CNTLN: variants seen among roughly 807,000 people sequenced by gnomAD.
The protein encoded by CNTLN is centlein, centrosomal protein.
Under a neutral mutation model 180.0 loss-of-function variants are expected in CNTLN, and 212 were observed. The observed-to-expected ratio is 1.18, with a 90% confidence interval of 1.05 to 1.32. The LOEUF (loss-of-function observed/expected upper bound fraction) is 1.32. CNTLN is among the 40% of genes most tolerant of loss of function. CNTLN has a pLI of 0.00. For missense variants in CNTLN, 2,095 were observed against 1,610.9 expected (o/e 1.30, Z -5.14); for synonymous variants, 722 against 563.1 (o/e 1.28, Z -3.99).
intron 5 of CNTLN, among the ~76,000 whole-genome samples, chr9:17,254,538 C>T (rs1259178352): frequency 6.6e-6 from 1 of 150,686 alleles, no homozygotes; most frequent in Non-Finnish European, 1.5e-5. Flanking sequence ...GTTTTTCTGG[C>T]AACATTTGTT....
intron 2 of CNTLN, among the ~76,000 whole-genome samples, chr9:17,177,283 C>T (rs1373383347): frequency 1.3e-5 from 2 of 152,076 alleles, no homozygotes; most frequent in African/African-American, 2.4e-5. Context: ...GTGGCAGGCA[C>T]CTGTAGTCCC....
chr9:17,477,612 G>A (rs778409178), intron 23 of CNTLN, among the ~76,000 whole-genome samples: 104 of 152,318 alleles, frequency 6.8e-4, no homozygotes, highest in Non-Finnish European at 1.1e-3. Flanking sequence ...AGAAACTGCA[G>A]ATGTGGTAGA....
chr9:17,249,412 A>C (rs997711785), intron 5 of CNTLN, among the ~76,000 whole-genome samples: 4 of 140,000 alleles, frequency 2.9e-5, no homozygotes, highest in Admixed American at 7.7e-5. Flanking sequence ...GCAGTGGTGC[A>C]ATCTTGGCTC....
At chr9:17,466,319 T>G (rs983821928) in intron 22 of CNTLN, among the ~76,000 whole-genome samples, 1 of 151,454 alleles carries the variant, frequency 6.6e-6, no homozygotes, top group Non-Finnish European at 1.5e-5. Flanking sequence ...AGAAAACAGG[T>G]TGTGTTTGTC....
intron 5 of CNTLN, among the ~76,000 whole-genome samples, chr9:17,260,518 T>G (rs1330432724): frequency 6.6e-6 from 1 of 151,312 alleles, no homozygotes; most frequent in African/African-American, 2.5e-5. Flanking sequence ...TCATTTGTTT[T>G]TTTGCTTGTT....
intron 7 of CNTLN, among the ~76,000 whole-genome samples, chr9:17,307,263 C>T (rs753087295): frequency 4.1e-5 from 6 of 146,972 alleles, no homozygotes; most frequent in African/African-American, 1.1e-4. Flanking sequence ...ACAATAATAT[C>T]GATAGATAAT....
At chr9:17,330,934 ATGTACCGAAC>A in intron 9 of CNTLN, 126 bp downstream of exon 9, 1 of 813,356 alleles carries the variant, frequency 1.2e-6, no homozygotes, top group South Asian at 1.8e-5. Context: ...GAAAAATATT[ATGTACCGAAC>A]TCTTGTTAAA....
intron 18 of CNTLN, among the ~76,000 whole-genome samples, chr9:17,427,787 C>G (rs780308893): frequency 8.5e-5 from 13 of 152,140 alleles, no homozygotes; most frequent in Non-Finnish European, 1.6e-4. Flanking sequence ...ATTATCACAT[C>G]TGTACCATAG....
chr9:17,413,139 G>GATT (rs71492918), intron 16 of CNTLN, among the ~76,000 whole-genome samples: 64,739 of 151,732 alleles, frequency 0.43, 16,120 homozygotes, highest in Non-Finnish European at 0.56. Flanking sequence ...ATGAACAACT[G>GATT]ATTTTTGACC....
intron 2 of CNTLN, among the ~76,000 whole-genome samples, chr9:17,218,860 G>T (rs898982535): frequency 1.1e-4 from 16 of 152,030 alleles, no homozygotes; most frequent in African/African-American, 3.9e-4. Flanking sequence ...TTAAAAGTGG[G>T]CTCAAACCCA....
intron 5 of CNTLN, among the ~76,000 whole-genome samples, chr9:17,253,949 CTTT>C (rs1311711595): frequency 3.3e-5 from 5 of 151,158 alleles, no homozygotes; most frequent in Non-Finnish European, 5.9e-5. Context: ...GAGGCATGTT[CTTT>C]GTTTGCCTAG....
chr9:17,473,141 A>G (rs2134247442), intron 23 of CNTLN, among the ~76,000 whole-genome samples: 1 of 152,274 alleles, frequency 6.6e-6, no homozygotes, highest in East Asian at 1.9e-4. Context: ...ATGCTGATTC[A>G]TCTTTATTTA....
intron 14 of CNTLN, 77 bp downstream of exon 14, chr9:17,388,330 G>A (rs920382117): frequency 1.0e-6 from 1 of 972,990 alleles, no homozygotes; most frequent in Admixed American, 2.1e-5. Flanking sequence ...TTTAAAACGA[G>A]GGCTTGTAAA....
chr9:17,193,726 C>A (rs934334851), intron 2 of CNTLN, among the ~76,000 whole-genome samples: 2 of 152,250 alleles, frequency 1.3e-5, no homozygotes, highest in South Asian at 4.1e-4. Flanking sequence ...ATGATAGTGC[C>A]CCTCTTCTCA....
At position 17,366,324 on chromosome 9, in the gene CNTLN, T is replaced by G. The variant is rs767740119; in HGVS notation, c.1887-293T>G. 3.3e-5 allele frequency among the ~76,000 whole-genome samples: 5 copies of G among 152,064 alleles called. No individual in the cohort carries two copies. The East Asian group carries it at 9.6e-4, about 29-fold the overall frequency. On this transcript the variant is annotated intron_variant, in intron 12 of 25. Coordinates refer to ENST00000380647, the MANE Select transcript of CNTLN (RefSeq NM_017738.4). ...TTGTTGTTGTTATTATTATTATTAT[T>G]GTAAAGACAGGGTCTCTCTGTGTTG...
chr9:17,397,178 T>C (rs1826599556), intron 15 of CNTLN, among the ~76,000 whole-genome samples: 1 of 151,432 alleles, frequency 6.6e-6, no homozygotes, highest in Admixed American at 6.6e-5. Context: ...TTTTATCATA[T>C]TAGTGTTTCC....
intron 2 of CNTLN, among the ~76,000 whole-genome samples, chr9:17,164,534 G>A (rs1346464456): frequency 3.9e-5 from 5 of 129,444 alleles, no homozygotes; most frequent in African/African-American, 1.5e-4. Context: ...ACGCTACCTC[G>A]GCTCACTGTG....
intron 7 of CNTLN, chr9:17,299,734 C>G: frequency 1.0e-6 from 1 of 983,470 alleles, no homozygotes; most frequent in South Asian, 4.7e-5. Flanking sequence ...ATTTGAAACA[C>G]TGTACTTTAT....
intron 2 of CNTLN, among the ~76,000 whole-genome samples, chr9:17,146,528 A>C (rs986722644): frequency 6.6e-6 from 1 of 152,178 alleles, no homozygotes; most frequent in Non-Finnish European, 1.5e-5. Context: ...TAGTGCCCTT[A>C]TAAAGGGGTT....
Sources: allele counts gnomAD v4.1 joint callset (sites outside exome capture counted in the v4.1 genomes callset), GRCh38; gene constraint gnomAD v4.1.1; transcripts MANE v1.5; gene names NCBI Gene and HGNC (gene_info 2026-07-23, HGNC 2026-07-21).